Variants in LRRK2 observed in about 807,000 individuals in gnomAD.
LRRK2 encodes the protein leucine rich repeat kinase 2.
A neutral mutation model predicts 302.6 loss-of-function variants in LRRK2; 203 were observed. The ratio of observed to expected loss-of-function variants is 0.67; its 90% CI spans 0.60 to 0.75. The LOEUF is 0.75. Among genes scored for constraint, LRRK2 ranks in the 30% least tolerant of loss-of-function variants. The probability of loss-of-function intolerance (pLI) is 0.00; values close to 1 mark genes in which losing one functional copy is unlikely to be tolerated. For synonymous variants in LRRK2, 1,066 were observed against 1,031.9 expected, an observed-to-expected ratio of 1.03 and a Z score of -0.63; for missense variants, 2,830 against 2,951.0, an observed-to-expected ratio of 0.96 and a Z score of 0.95.
intron 26 of LRRK2, among the ~76,000 whole-genome samples, chr12:40,303,739 T>C (rs998034592): frequency 7.9e-5 from 12 of 152,128 alleles, no homozygotes; most frequent in African/African-American, 2.9e-4. Context: ...CTCCACTTCA[T>C]AAGAGATGAA....
At chr12:40,353,541 G>A (rs1946434428) in intron 44 of LRRK2, among the ~76,000 whole-genome samples, 1 of 151,214 alleles carries the variant, frequency 6.6e-6, no homozygotes, top group Non-Finnish European at 1.5e-5. Flanking sequence ...CCCAGACGAT[G>A]GGCGGCCAGG....
At chr12:40,258,040 A>G (rs1467768927) in intron 12 of LRRK2, among the ~76,000 whole-genome samples, 4 of 152,138 alleles carry the variant, frequency 2.6e-5, no homozygotes, top group Non-Finnish European at 5.9e-5. Context: ...TTTTGCCACT[A>G]ATTTGAGCCA....
chr12:40,264,306 T>C (rs1020148688), intron 14 of LRRK2, among the ~76,000 whole-genome samples: 6 of 152,182 alleles, frequency 3.9e-5, no homozygotes, highest in African/African-American at 1.4e-4. Flanking sequence ...GTTTAGCCCA[T>C]GAAGACATAC....
At chr12:40,227,641 T>A (rs774014584) in intron 2 of LRRK2, among the ~76,000 whole-genome samples, 6 of 152,244 alleles carry the variant, frequency 3.9e-5, no homozygotes, top group Non-Finnish European at 8.8e-5. Flanking sequence ...GATTTCATTT[T>A]TTATGACTGA....
Position 40,328,413 on chromosome 12 carries a change from G to A in LRRK2, c.5710G>A (p.Ala1904Thr). The A allele has an allele frequency of 6.2e-7, 1 of 1,613,592 alleles. No homozygotes were observed. The highest frequency in any genetic ancestry group is 8.5e-7 in the Non-Finnish European group (1 of 1,179,762). The change falls in exon 39 of 51, where the codon GCT (alanine) becomes ACT (threonine). Residue 1904 changes from alanine (A) to threonine (T), a missense_variant. Coordinates refer to ENST00000298910, the MANE Select transcript of LRRK2 (RefSeq NM_198578.4). ...YRAAYEGEEV[A>T]VKIFNKHTSL... is the part of the protein sequence containing the mutation. Reference sequence around the variant, plus strand: ...AGCAGCCTATGAAGGAGAAGAAGTGGCTGTGAAGATTTTTAATAAACATAC... The same window carrying A: ...AGCAGCCTATGAAGGAGAAGAAGTGACTGTGAAGATTTTTAATAAACATAC...
intron 14 of LRRK2, among the ~76,000 whole-genome samples, chr12:40,270,484 G>T (rs1943185552): frequency 6.6e-6 from 1 of 151,586 alleles, no homozygotes; most frequent in African/African-American, 2.4e-5. Context: ...TTTTGTTGTT[G>T]TTTTTGCCTT....
At chr12:40,254,008 T>C (rs1942393646) in intron 11 of LRRK2, among the ~76,000 whole-genome samples, 1 of 152,158 alleles carries the variant, frequency 6.6e-6, no homozygotes, top group Non-Finnish European at 1.5e-5. Context: ...CTTTGTATAA[T>C]TATGAAGAGA....
chr12:40,250,844 C>G (rs1463028045), intron 8 of LRRK2, among the ~76,000 whole-genome samples: 1 of 152,134 alleles, frequency 6.6e-6, no homozygotes, highest in Non-Finnish European at 1.5e-5. Flanking sequence ...GAGATAATTC[C>G]TTTTTATGGC....
intron 25 of LRRK2, among the ~76,000 whole-genome samples, chr12:40,299,872 T>C (rs1055481123): frequency 4.6e-5 from 7 of 152,256 alleles, no homozygotes; most frequent in African/African-American, 1.7e-4. Flanking sequence ...TGAAAGTCTC[T>C]GGACTGTGTG....
Position 40,305,774 on chromosome 12 carries a change from T to A in LRRK2, c.3778-11T>A. ...CCACCAACAGGTTTTGCCCTTTTTTTTCCCATTAAGATTCCTCCTGAGATT... is the reference window on the plus strand; with the variant it reads ...CCACCAACAGGTTTTGCCCTTTTTTATCCCATTAAGATTCCTCCTGAGATT... On this transcript the variant is annotated splice_polypyrimidine_tract_variant and intron_variant, in intron 27 of 50. Transcript: ENST00000298910. 1.2e-6 allele frequency: 2 copies of A among 1,613,174 alleles called. No individual in the cohort carries two copies. Among genetic ancestry groups the A allele is most frequent in the South Asian group, 1.1e-5 (1 of 91,056 alleles).
chr12:40,354,571 C>A, intron 45 of LRRK2, 79 bp downstream of exon 45: 1 of 1,268,446 alleles, frequency 7.9e-7, no homozygotes, highest in Non-Finnish European at 1.1e-6. Context: ...GTTATTGCAT[C>A]AGCAAAGATT....
At chr12:40,364,404 C>T (rs1004686489) in intron 48 of LRRK2, among the ~76,000 whole-genome samples, 7 of 151,910 alleles carry the variant, frequency 4.6e-5, no homozygotes, top group African/African-American at 7.2e-5. Context: ...AGACTATTCA[C>T]TGGTTCTGGG....
At chr12:40,306,021 C>T in intron 28 of LRRK2, 55 bp downstream of exon 28, 1 of 1,360,988 alleles carries the variant, frequency 7.3e-7, no homozygotes, top group Non-Finnish European at 1.0e-6. Context: ...ATTTTCTACT[C>T]TCTGTGACTT....
At chr12:40,235,487 A>C (rs1024710942) in intron 3 of LRRK2, 139 bp from the exon 4 acceptor site, 20 of 669,196 alleles carry the variant, frequency 3.0e-5, no homozygotes, top group South Asian at 2.4e-4. Flanking sequence ...AAAAGCAGGC[A>C]ACAAAAACAC....
At chr12:40,310,334 C>A (rs1349200055) in intron 30 of LRRK2, 97 bp from the exon 31 acceptor site, 40 of 1,144,356 alleles carry the variant, frequency 3.5e-5, no homozygotes, top group Non-Finnish European at 5.3e-5. Context: ...TTCTCTTTTC[C>A]ATTCAAGTGA....
intron 23 of LRRK2, among the ~76,000 whole-genome samples, chr12:40,296,662 T>G (rs761557017): frequency 5.0e-4 from 76 of 152,114 alleles, no homozygotes; most frequent in South Asian, 1.4e-3. Context: ...GCAAATGCAT[T>G]TCCCCCTTTT....
At chr12:40,258,748 C>T (rs1015299321) in intron 12 of LRRK2, among the ~76,000 whole-genome samples, 3 of 152,046 alleles carry the variant, frequency 2.0e-5, no homozygotes, top group Admixed American at 1.3e-4. Flanking sequence ...AGGGGAGGCT[C>T]CAATGGAGGG....
chr12:40,344,030 T>C (rs2162471), intron 41 of LRRK2, among the ~76,000 whole-genome samples: 22,680 of 152,216 alleles, frequency 0.15, 1,910 homozygotes, highest in Middle Eastern at 0.29. Context: ...AGCATTTCCA[T>C]ATTGAAGTAA....
intron 42 of LRRK2, among the ~76,000 whole-genome samples, 173 bp downstream of exon 42, chr12:40,347,096 A>G (rs1565769768): frequency 6.6e-6 from 1 of 152,208 alleles, no homozygotes; most frequent in Non-Finnish European, 1.5e-5. Flanking sequence ...TGAAAAAGGT[A>G]GCAGTTTTAG....
Sources: gnomAD v4.1 joint callset for allele counts (sites outside exome capture counted in the v4.1 genomes callset) on GRCh38, gnomAD v4.1.1 for gene constraint, MANE v1.5 for transcripts, NCBI Gene and HGNC (gene_info 2026-07-23, HGNC 2026-07-21) for gene names.